Variants in SMUG1 observed in about 807,000 individuals in gnomAD.
The protein encoded by SMUG1 is single-strand selective monofunctional uracil DNA glycosylase.
A neutral mutation model predicts 23.9 loss-of-function variants in SMUG1; 13 were observed. The observed-to-expected ratio is 0.54, with a 90% CI of 0.35 to 0.86. The LOEUF is 0.86. Ranked by LOEUF, SMUG1 falls within the 40% of genes least tolerant of loss-of-function variation. The probability of loss-of-function intolerance (pLI) is 0.01; values close to 1 mark genes in which losing one functional copy is unlikely to be tolerated. For synonymous variants in SMUG1, 133 were observed against 139.8 expected (o/e 0.95, Z 0.34); for missense variants, 313 against 339.5 (o/e 0.92, Z 0.61).
chr12:54,182,388 C>A lies in SMUG1; in HGVS notation c.521G>T (p.Gly174Val). Residue 174 changes from glycine to valine, a missense_variant, in exon 4 of 4, where the codon GGG (glycine) becomes GTG (valine). Physicochemically the swap from Gly to Val is moderately radical, Grantham distance 109. Transcript: ENST00000682136. ...CAGCTCAGCAGGAGTAAGGTTGCGC[C>A]CGCTGGGAGCCAGGAAAAGCAGAGG... The part of the protein sequence containing the change: ...LCPLLFLAPS[G>V]RNLTPAELPA... The A allele has an allele frequency of 6.2e-7, 1 of 1,614,154 alleles. No individual in the cohort carries two copies. The highest frequency in any genetic ancestry group is 8.5e-7 in the Non-Finnish European group (1 of 1,180,038).
At chr12:54,173,516 A>G (rs1053056882) in intron 2 of SMUG1, among the ~76,000 whole-genome samples, 2 of 152,102 alleles carry the variant, frequency 1.3e-5, no homozygotes, top group Non-Finnish European at 2.9e-5. Context: ...CGGGGAAATT[A>G]CCGCCAGAAT....
At chr12:54,179,253 G>A (rs1940827611), downstream of SMUG1, among the ~76,000 whole-genome samples, 1 of 152,106 alleles carries the variant, frequency 6.6e-6, no homozygotes, top group South Asian at 2.1e-4. Flanking sequence ...CAATTATCCT[G>A]AATAAACTCC....
At chr12:54,167,197 T>G (rs1426626684) in intron 3 of SMUG1, among the ~76,000 whole-genome samples, 1 of 152,152 alleles carries the variant, frequency 6.6e-6, no homozygotes. Context: ...TCACCCACCA[T>G]GAAAAATGGC....
At chr12:54,182,774 G>A in intron 3 of SMUG1, 151 bp from the exon 4 acceptor site, 3 of 1,409,416 alleles carry the variant, frequency 2.1e-6, no homozygotes, top group Non-Finnish European at 2.8e-6. Flanking sequence ...AGGATTCTTG[G>A]CCCTATGGTT....
intron 1 of SMUG1, among the ~76,000 whole-genome samples, chr12:54,188,312 A>C (rs1384317650): frequency 1.2e-5 from 1 of 84,830 alleles, no homozygotes; most frequent in Non-Finnish European, 2.7e-5. Flanking sequence ...AATAATAATA[A>C]TAATAATAAT....
chr12:54,159,676 G>T (rs1340186310), intron 4 of SMUG1, among the ~76,000 whole-genome samples: 6 of 152,214 alleles, frequency 3.9e-5, no homozygotes, highest in Admixed American at 6.5e-5. Flanking sequence ...CTGAATAAGG[G>T]CTGATGATTC....
At chr12:54,173,677 C>CCCGCA (rs1189348203) in intron 2 of SMUG1, among the ~76,000 whole-genome samples, 2 of 151,892 alleles carry the variant, frequency 1.3e-5, no homozygotes, top group Non-Finnish European at 2.9e-5. Flanking sequence ...CCGCCCCCGC[C>CCCGCA]CCGCACGCTC....
chr12:54,174,414 G>A (rs1023757183), intron 2 of SMUG1, among the ~76,000 whole-genome samples: 2 of 152,220 alleles, frequency 1.3e-5, no homozygotes, highest in Admixed American at 1.3e-4. Context: ...GTAGATACCA[G>A]AAAGAGCTTC....
chr12:54,187,479 C>T (rs1444201698), intron 2 of SMUG1, among the ~76,000 whole-genome samples: 2 of 152,202 alleles, frequency 1.3e-5, no homozygotes, highest in African/African-American at 4.8e-5. Flanking sequence ...CTTTGCATCT[C>T]CCCATGCAAC....
Position 54,181,588 on chromosome 12 carries a change from G to C in SMUG1, c.*508C>G. ...CACACTGGATTTTTCCTCTGATCCAGCTGCAGCCTCCCATAAGAAGTTCAC... is the reference window on the plus strand; with the variant it reads ...CACACTGGATTTTTCCTCTGATCCACCTGCAGCCTCCCATAAGAAGTTCAC... On this transcript the variant is annotated 3_prime_UTR_variant, in exon 4 of 4. Coordinates refer to ENST00000682136, the MANE Select transcript of SMUG1 (RefSeq NM_001243787.2). The C allele has an allele frequency of 6.4e-7, 1 of 1,570,978 alleles. No individual in the cohort carries two copies.
chr12:54,165,721 G>A (rs1033875746), intron 3 of SMUG1, among the ~76,000 whole-genome samples: 8 of 151,906 alleles, frequency 5.3e-5, no homozygotes, highest in East Asian at 1.9e-4. Context: ...CAGAACCATC[G>A]AAACACCCAT....
chr12:54,163,967 A>T (rs1940355440), downstream of SMUG1, among the ~76,000 whole-genome samples: 1 of 152,176 alleles, frequency 6.6e-6, no homozygotes, highest in African/African-American at 2.4e-5. Context: ...CCCTGAATCC[A>T]AGCAGTATAA....
chr12:54,176,515 CAAA>C (rs1491114006), downstream of SMUG1, among the ~76,000 whole-genome samples: 58 of 92,340 alleles, frequency 6.3e-4, no homozygotes, highest in Non-Finnish European at 7.2e-4. Context: ...TGTCCCCCCC[CAAA>C]AAAAAAGGCC....
At chr12:54,162,034 AG>A (rs1477534751), downstream of SMUG1, 5 of 152,622 alleles carry the variant, frequency 3.3e-5, no homozygotes, top group African/African-American at 1.2e-4. Flanking sequence ...GAGTGCAGGA[AG>A]TGCTTTCTGG....
chr12:54,175,799 G>GAC (rs1940735468), downstream of SMUG1, among the ~76,000 whole-genome samples: 1 of 152,140 alleles, frequency 6.6e-6, no homozygotes, highest in South Asian at 2.1e-4. Flanking sequence ...CACAAGGAAT[G>GAC]ACACACACAC....
At chr12:54,188,289 AATAATAAATAATAAT>A (rs1371675838) in intron 1 of SMUG1, among the ~76,000 whole-genome samples, 6 of 28,578 alleles carry the variant, frequency 2.1e-4, no homozygotes, top group African/African-American at 6.3e-4. Flanking sequence ...TAATAATAAT[AATAATAAATAATAAT>A]AATAATAATA....
rs1367659417 is a variant in SMUG1, at chr12:54,182,524, G to C, written c.385C>G (p.Leu129Val). The change falls in exon 4 of 4, where the codon CTG becomes GTG. Residue 129 changes from leucine to valine, a missense_variant. Transcript: ENST00000682136. Reference sequence around the variant, plus strand: ...CTCACTTCTGACTGTGGGCACTCCAGTCCCAGCACTGGTCGTTTAGGATGC... The same window carrying C: ...CTCACTTCTGACTGTGGGCACTCCACTCCCAGCACTGGTCGTTTAGGATGC... The part of the protein sequence containing the change: ...QEHPKRPVLG[L>V]ECPQSEVSGA... 1 of 1,614,046 alleles carries C rather than the reference G, an allele frequency of 6.2e-7. No homozygotes were observed. Among genetic ancestry groups the C allele is most frequent in the Non-Finnish European group, 8.5e-7 (1 of 1,180,040 alleles).
chr12:54,187,523 G>C lies in SMUG1; in HGVS notation c.-20+296C>G, dbSNP rs192785199. On this transcript the variant is annotated intron_variant, in intron 2 of 3. Transcript: ENST00000682136. ...TAGCAGATTGGCTGCTCCAGCTCTA[G>C]AATCTCGAGAAGTCTTGAGCCCACC... Among the ~76,000 whole-genome samples the C allele has an allele frequency of 3.3e-5, 5 of 152,304 alleles. No homozygotes were observed. In the East Asian group the frequency reaches 9.7e-4, roughly 29 times the overall value.
intron 2 of SMUG1, among the ~76,000 whole-genome samples, chr12:54,184,528 G>A (rs1021069489): frequency 1.3e-5 from 2 of 152,176 alleles, no homozygotes; most frequent in Non-Finnish European, 2.9e-5. Context: ...GGGTATTACT[G>A]CTCCCCTGTT....
Sources: gnomAD v4.1 joint callset for allele counts (sites outside exome capture counted in the v4.1 genomes callset) on GRCh38, gnomAD v4.1.1 for gene constraint, MANE v1.5 for transcripts, NCBI Gene and HGNC (gene_info 2026-07-23, HGNC 2026-07-21) for gene names.